OR56A1: variants seen among roughly 807,000 people sequenced by gnomAD.
The protein encoded by OR56A1 is olfactory receptor family 56 subfamily A member 1.
For missense variants in OR56A1, 360 were observed against 380.9 expected, an observed-to-expected ratio of 0.94 and a Z score of 0.46; for synonymous variants, 174 against 159.1, an observed-to-expected ratio of 1.09 and a Z score of -0.70.
At chr11:6,032,832 C>A (rs1233770899), upstream of OR56A1, among the ~76,000 whole-genome samples, 3 of 152,066 alleles carry the variant, frequency 2.0e-5, no homozygotes, top group Non-Finnish European at 4.4e-5. Flanking sequence ...ATAAAATGAT[C>A]CACTTGCTCC....
rs1482565561 is a variant in OR56A1, at chr11:6,019,390, C to T, written c.*7358G>A. The stretch of plus-strand genomic sequence containing the variant: ...CGCATGCAAATCAATAAATGTGATA[C>T]ATCATGTATTAGTCCGTTTTCTCAT... On this transcript the variant is annotated 3_prime_UTR_variant, in exon 2 of 2. Coordinates refer to ENST00000641900, the MANE Select transcript of OR56A1 (RefSeq NM_001388488.1). 5.9e-5 allele frequency: 9 copies of T among 152,078 alleles called. No homozygotes were observed. In the East Asian group the frequency reaches 1.7e-3, roughly 29 times the overall value. 9.4% of individuals were successfully genotyped at this position (152,078 alleles called of 1,614,324 possible). A position where few individuals can be genotyped will look rare whatever the true frequency, so the allele number is the denominator to read the frequency against.
In OR56A1 at chr11:6,022,250, C is replaced by T. The variant is rs1848404476; in HGVS notation, c.*4498G>A. 6.6e-6 allele frequency: 1 copy of T among 152,088 alleles called. No individual in the cohort carries two copies. The highest frequency in any genetic ancestry group is 1.5e-5 in the Non-Finnish European group (1 of 68,014). 9.4% of individuals were successfully genotyped at this position (152,088 alleles called of 1,614,324 possible). A position where few individuals can be genotyped will look rare whatever the true frequency, so the allele number is the denominator to read the frequency against. ...TAAAGCTTACAAAATCCTGCATATTCTTTCTCTTTCTGGCTTGCCACCCAG... is the reference window on the plus strand; with the variant it reads ...TAAAGCTTACAAAATCCTGCATATTTTTTCTCTTTCTGGCTTGCCACCCAG... On this transcript the variant is annotated 3_prime_UTR_variant, in exon 2 of 2. Coordinates refer to ENST00000641900, the MANE Select transcript of OR56A1 (RefSeq NM_001388488.1).
Position 6,019,562 on chromosome 11 carries a change from G to A in OR56A1, c.*7186C>T, listed in dbSNP as rs1211299497. 3 of 152,090 alleles carry A rather than the reference G, an allele frequency of 2.0e-5. No homozygotes were observed. Among genetic ancestry groups the A allele is most frequent in the Non-Finnish European group, 2.9e-5 (2 of 68,012 alleles). The allele number at this position is 152,090 out of a possible 1,614,324, so 9.4% of individuals were successfully genotyped here. A position where few individuals can be genotyped will look rare whatever the true frequency, so the allele number is the denominator to read the frequency against. On this transcript the variant is annotated 3_prime_UTR_variant, in exon 2 of 2. Coordinates refer to ENST00000641900, the MANE Select transcript of OR56A1 (RefSeq NM_001388488.1). ...TTACATCTTGCATGGGTGGTGGGAG[G>A]AAAAGAGAGGAGCTTGTGCAGGGAA...
chr11:6,029,451 C>T (rs1848492060), intron 1 of OR56A1, among the ~76,000 whole-genome samples: 1 of 152,138 alleles, frequency 6.6e-6, no homozygotes, highest in Non-Finnish European at 1.5e-5. Flanking sequence ...GCACAAACCT[C>T]TCACAAGCAT....
rs201783913 is a variant in OR56A1, at chr11:6,027,274, G to A, written c.419C>T (p.Thr140Ile). ...ACTAGCTTTGGCCACAAATTGATTA[G>A]TGATGATGGATGGGTACCGCAGTGG... is the stretch of plus-strand genomic sequence containing the variant. Reference protein sequence around the residue: ...CHPLRYPSIITNQFVAKASVF... With the variant: ...CHPLRYPSIIINQFVAKASVF... The change falls in exon 2 of 2, where the codon ACT becomes ATT. Residue 140 changes from threonine to isoleucine, a missense_variant. Physicochemically the swap from Thr to Ile is moderately conservative, Grantham distance 89. Coordinates refer to ENST00000641900, the MANE Select transcript of OR56A1 (RefSeq NM_001388488.1). The A allele has an allele frequency of 4.3e-6, 7 of 1,614,236 alleles. No homozygotes were observed. The highest frequency in any genetic ancestry group is 5.9e-6 in the Non-Finnish European group (7 of 1,180,044).
chr11:6,028,698 T>C (rs1848481889), intron 1 of OR56A1, among the ~76,000 whole-genome samples: 1 of 152,148 alleles, frequency 6.6e-6, no homozygotes, highest in Non-Finnish European at 1.5e-5. Context: ...GAATGTAAAT[T>C]AGTACAGCCT....
chr11:6,028,051 G>A (rs999022508), intron 1 of OR56A1, among the ~76,000 whole-genome samples: 7 of 152,092 alleles, frequency 4.6e-5, no homozygotes, highest in African/African-American at 1.7e-4. Context: ...AATGGTAGAT[G>A]ATAAGTTTTT....
intron 1 of OR56A1, among the ~76,000 whole-genome samples, chr11:6,028,641 G>A (rs1321806001): frequency 6.6e-6 from 1 of 152,064 alleles, no homozygotes; most frequent in African/African-American, 2.4e-5. Flanking sequence ...ACAGATATTT[G>A]CAAGGATGCC....
rs1388500642 is a variant in OR56A1, at chr11:6,027,595, G to A, written c.98C>T (p.Pro33Leu). ...GGCCAGGAGGAAGAGAAGGCTGAGG[G>A]GCAGGGAGAGCCAGTGCTGCCAACT... is the stretch of plus-strand genomic sequence containing the variant. ...FQSWQHWLSLPLSLLFLLAMG... is the reference protein window; with the variant it reads ...FQSWQHWLSLLLSLLFLLAMG... The change falls in exon 2 of 2, where the codon CCC (proline) becomes CTC (leucine). Residue 33 changes from proline to leucine, a missense_variant. Pro to Leu is a moderately conservative substitution (Grantham distance 98). Transcript: ENST00000641900. 2 of 1,614,000 alleles carry A rather than the reference G, an allele frequency of 1.2e-6. No homozygotes were observed. The highest frequency in any genetic ancestry group is 1.1e-5 in the South Asian group (1 of 91,038).
At chr11:6,033,671 T>C (rs950464844), upstream of OR56A1, among the ~76,000 whole-genome samples, 2 of 151,876 alleles carry the variant, frequency 1.3e-5, no homozygotes, top group Non-Finnish European at 1.5e-5. Flanking sequence ...ACATTGTATG[T>C]GTGTGGCCTC....
chr11:6,025,647 TG>T lies in OR56A1; in HGVS notation c.*1100del, dbSNP rs1384228332. 1 of 152,240 alleles carries T rather than the reference TG, an allele frequency of 6.6e-6. No homozygotes were observed. The allele number at this position is 152,240 out of a possible 1,614,324, so 9.4% of individuals were successfully genotyped here. A position where few individuals can be genotyped will look rare whatever the true frequency, so the allele number is the denominator to read the frequency against. ...GAGGGCCACATCCTCTGAGGTCCTA[TG>T]GCATAAGTACCAATTAGGGACAGCA... is the stretch of plus-strand genomic sequence containing the variant. On this transcript the variant is annotated 3_prime_UTR_variant, in exon 2 of 2. Transcript: ENST00000641900.
upstream of OR56A1, among the ~76,000 whole-genome samples, chr11:6,032,181 G>T (rs1848519069): frequency 2.0e-5 from 3 of 152,132 alleles, no homozygotes; most frequent in African/African-American, 4.8e-5. Flanking sequence ...TGTAGATGGG[G>T]AAAGTTGACT....
chr11:6,028,468 T>C (rs1238576212), intron 1 of OR56A1, among the ~76,000 whole-genome samples: 1 of 152,130 alleles, frequency 6.6e-6, no homozygotes, highest in Non-Finnish European at 1.5e-5. Context: ...CCTGAAACTC[T>C]ACTTCTTTCA....
At chr11:6,030,099 T>C (rs77053285) in intron 1 of OR56A1, among the ~76,000 whole-genome samples, 4,042 of 152,248 alleles carry the variant, frequency 0.027, 96 homozygotes, top group South Asian at 0.066. Flanking sequence ...CACTAAGACA[T>C]GTCATTTTCC....
rs577314841 is a variant in OR56A1 at position 6,026,638 on chromosome 11, G to A, written c.*110C>T. The A allele has an allele frequency of 1.3e-5, 9 of 688,756 alleles. No individual in the cohort carries two copies. Among genetic ancestry groups the A allele is most frequent in the East Asian group, 1.3e-4 (5 of 38,560 alleles). 42.7% of individuals were successfully genotyped at this position (688,756 alleles called of 1,614,324 possible). ...AAGGAATCTGGTTCAGTAATGAAGGGAGCCTCAGTGCATGCAATAAACACT... is the reference window on the plus strand; with the variant it reads ...AAGGAATCTGGTTCAGTAATGAAGGAAGCCTCAGTGCATGCAATAAACACT... On this transcript the variant is annotated 3_prime_UTR_variant, in exon 2 of 2. Transcript: ENST00000641900.
chr11:6,023,487 T>C lies in OR56A1; in HGVS notation c.*3261A>G, dbSNP rs560380916. The C allele has an allele frequency of 6.6e-6, 1 of 152,264 alleles. No homozygotes were observed. The highest frequency in any genetic ancestry group is 6.5e-5 in the Admixed American group (1 of 15,292). The allele number at this position is 152,264 out of a possible 1,614,324, so 9.4% of individuals were successfully genotyped here. On this transcript the variant is annotated 3_prime_UTR_variant, in exon 2 of 2. Coordinates refer to ENST00000641900, the MANE Select transcript of OR56A1 (RefSeq NM_001388488.1). ...TATTCTTTCTTTCCACTGGCCTTGA[T>C]TTAAGTCAGCTATGGTATTGAATAG...
At chr11:6,028,975 C>T (rs899308207) in intron 1 of OR56A1, among the ~76,000 whole-genome samples, 1 of 152,084 alleles carries the variant, frequency 6.6e-6, no homozygotes, top group African/African-American at 2.4e-5. Context: ...GAAATCATGT[C>T]TTTTGCAGCA....
chr11:6,025,634 C>T lies in OR56A1; in HGVS notation c.*1114G>A, dbSNP rs150800674. 2.6e-5 allele frequency: 4 copies of T among 152,352 alleles called. No individual in the cohort carries two copies. The East Asian group carries it at 7.7e-4, about 29-fold the overall frequency. The allele number at this position is 152,352 out of a possible 1,614,324, so 9.4% of individuals were successfully genotyped here. ...TAGTCCCAGCTCTGAGGGCCACATC[C>T]TCTGAGGTCCTATGGCATAAGTACC... On this transcript the variant is annotated 3_prime_UTR_variant, in exon 2 of 2. Coordinates refer to ENST00000641900, the MANE Select transcript of OR56A1 (RefSeq NM_001388488.1).
chr11:6,028,757 C>T (rs951027359), intron 1 of OR56A1, among the ~76,000 whole-genome samples: 1 of 152,026 alleles, frequency 6.6e-6, no homozygotes, highest in East Asian at 1.9e-4. Flanking sequence ...AATAGAACTA[C>T]CCTTACATCC....
Sources: allele counts gnomAD v4.1 joint callset (sites outside exome capture counted in the v4.1 genomes callset), GRCh38; gene constraint gnomAD v4.1.1; transcripts MANE v1.5; gene names NCBI Gene and HGNC (gene_info 2026-07-23, HGNC 2026-07-21).